NAV3: variants seen among roughly 807,000 people sequenced by gnomAD.
The protein encoded by NAV3 is neuron navigator 3, also known as pore membrane and/or filament interacting like protein 1.
A neutral mutation model predicts 244.7 loss-of-function variants in NAV3; 87 were observed. That is an observed-to-expected ratio of 0.36 (90% CI 0.30 to 0.42). The LOEUF is 0.42. Among genes scored for constraint, NAV3 ranks in the 20% least tolerant of loss-of-function variants. The probability of loss-of-function intolerance (pLI) is 1.00; values close to 1 mark genes in which losing one functional copy is unlikely to be tolerated. For synonymous variants in NAV3, 1,126 were observed against 1,042.2 expected, an observed-to-expected ratio of 1.08 and a Z score of -1.55; for missense variants, 2,663 against 2,893.3, an observed-to-expected ratio of 0.92 and a Z score of 1.83.
chr12:78,036,527 C>T (rs1879912568), intron 9 of NAV3: 1 of 197,290 alleles, frequency 5.1e-6, no homozygotes, highest in African/African-American at 2.3e-5. Context: ...GTGGACCCAT[C>T]CTCCTGCTGA....
intron 9 of NAV3, among the ~76,000 whole-genome samples, chr12:78,043,394 G>A (rs903861446): frequency 2.3e-4 from 35 of 152,068 alleles, no homozygotes; most frequent in Non-Finnish European, 7.4e-5. Flanking sequence ...ATAAACATAC[G>A]TGTGCATGTG....
chr12:78,036,287 A>G (rs1004732822), intron 9 of NAV3: 1 of 152,290 alleles, frequency 6.6e-6, no homozygotes, highest in Non-Finnish European at 1.5e-5. Flanking sequence ...AAAATGTAAG[A>G]GGCTTGTGCA....
intron 1 of NAV3, among the ~76,000 whole-genome samples, chr12:77,906,099 T>C (rs1307738865): frequency 2.0e-5 from 3 of 152,110 alleles, no homozygotes; most frequent in Non-Finnish European, 4.4e-5. Flanking sequence ...AGGCACTGGA[T>C]TGATTAACTC....
chr12:77,830,263 CAG>C (rs954864114), upstream of NAV3, among the ~76,000 whole-genome samples: 41 of 152,266 alleles, frequency 2.7e-4, no homozygotes, highest in African/African-American at 9.4e-4. Flanking sequence ...GCTTGAATAA[CAG>C]TGTTATTTTC....
intron 5 of NAV3, among the ~76,000 whole-genome samples, chr12:77,977,706 A>ACG (rs1431125477): frequency 2.4e-4 from 22 of 90,706 alleles, no homozygotes; most frequent in African/African-American, 6.2e-4. Context: ...ACACACACAC[A>ACG]CACGCGCACA....
At chr12:77,884,896 T>C (rs1003337855) in intron 1 of NAV3, among the ~76,000 whole-genome samples, 2 of 152,142 alleles carry the variant, frequency 1.3e-5, no homozygotes, top group African/African-American at 2.4e-5. Flanking sequence ...AAAAGAAAGA[T>C]TGACAATTCC....
At chr12:78,128,544 G>C (rs536896855) in intron 17 of NAV3, among the ~76,000 whole-genome samples, 162 bp from the exon 18 acceptor site, 2 of 152,138 alleles carry the variant, frequency 1.3e-5, no homozygotes, top group Non-Finnish European at 2.9e-5. Flanking sequence ...GATTCAAACA[G>C]ATGGCGTAAG....
At chr12:78,176,514 G>C in intron 26 of NAV3, 55 bp downstream of exon 26, 1 of 1,569,330 alleles carries the variant, frequency 6.4e-7, no homozygotes, top group Non-Finnish European at 8.8e-7. Context: ...CCCTACCTTG[G>C]CATGAATGCT....
chr12:77,895,738 GTTT>G (rs11437920), intron 1 of NAV3, among the ~76,000 whole-genome samples: 1 of 128,006 alleles, frequency 7.8e-6, no homozygotes. Context: ...GTACCCTCTT[GTTT>G]TTTTTTTTTT....
At chr12:77,776,494 A>G (rs1340653793) in intron 2 of NAV3, among the ~76,000 whole-genome samples, 3 of 152,200 alleles carry the variant, frequency 2.0e-5, no homozygotes, top group African/African-American at 7.2e-5. Flanking sequence ...ATTCAATTTT[A>G]GGTAACAAAT....
At chr12:77,727,108 A>G (rs1433864700) in intron 2 of NAV3, among the ~76,000 whole-genome samples, 2 of 151,866 alleles carry the variant, frequency 1.3e-5, no homozygotes, top group African/African-American at 2.4e-5. Flanking sequence ...AGATTTGTCG[A>G]TAGAGATGGT....
chr12:78,081,942 T>G (rs902585832), intron 12 of NAV3, among the ~76,000 whole-genome samples: 2 of 152,220 alleles, frequency 1.3e-5, no homozygotes, highest in Non-Finnish European at 2.9e-5. Context: ...CTGGCTAATA[T>G]GGTTTAGCTG....
rs1274798370 is a variant in NAV3 at position 78,128,813 on chromosome 12, C to G, written c.4388C>G (p.Ser1463Cys). The change falls in exon 18 of 40, where the codon TCC (serine) becomes TGC (cysteine). Residue 1463 changes from serine to cysteine, a missense_variant. By Grantham distance (112) the Ser-to-Cys change is moderately radical. This residue lies in a region of NAV3 where 354 missense variants were observed against 413.0 expected (regional missense o/e 0.86). Transcript: ENST00000397909. The stretch of plus-strand genomic sequence containing the variant: ...ACTGGCAACCAGTCACCTCTGGTTT[C>G]CCCTTCTGCCATGTCATCTTCTGCA... ...QDTGNQSPLV[S>C]PSAMSSSAAG... The G allele has an allele frequency of 6.2e-7, 1 of 1,613,948 alleles. No individual in the cohort carries two copies. The highest frequency in any genetic ancestry group is 8.5e-7 in the Non-Finnish European group (1 of 1,179,990).
At chr12:78,064,336 T>A (rs2137500786) in intron 12 of NAV3, among the ~76,000 whole-genome samples, 1 of 152,094 alleles carries the variant, frequency 6.6e-6, no homozygotes, top group East Asian at 1.9e-4. Context: ...AGAGAGTGGG[T>A]TTCATGCTGT....
intron 2 of NAV3, among the ~76,000 whole-genome samples, chr12:77,644,580 C>T (rs899046017): frequency 5.3e-5 from 8 of 151,880 alleles, no homozygotes; most frequent in Non-Finnish European, 8.8e-5. Context: ...TGACTTTTGA[C>T]GATAAAGCTC....
chr12:77,926,196 G>A (rs1052667681), intron 1 of NAV3, among the ~76,000 whole-genome samples: 8 of 152,042 alleles, frequency 5.3e-5, no homozygotes, highest in African/African-American at 1.2e-4. Flanking sequence ...CTAAGTGAAC[G>A]TAAACAATCC....
rs2137411261 is a variant in NAV3 at position 78,059,128 on chromosome 12, G to A, written c.2636+13G>A. 6.2e-7 allele frequency: 1 copy of A among 1,606,412 alleles called. No homozygotes were observed. The highest frequency in any genetic ancestry group is 8.5e-7 in the Non-Finnish European group (1 of 1,176,788). ...TGGATGCAGACAGGTAATGCTATCA[G>A]CATATATGATGGTGAGACATGCATG... On this transcript the variant is annotated intron_variant, in intron 12 of 39. Transcript: ENST00000397909.
chr12:77,915,549 G>A (rs1020422078), intron 1 of NAV3, among the ~76,000 whole-genome samples: 1 of 151,460 alleles, frequency 6.6e-6, no homozygotes, highest in Non-Finnish European at 1.5e-5. Flanking sequence ...CTTCTAGCCA[G>A]AATCAAGTAA....
chr12:77,731,051 CA>C (rs1877107917), intron 2 of NAV3, among the ~76,000 whole-genome samples: 1 of 151,888 alleles, frequency 6.6e-6, no homozygotes, highest in African/African-American at 2.4e-5. Context: ...CACACGGTTT[CA>C]AAATTCTTCC....
Sources: allele counts gnomAD v4.1 joint callset (sites outside exome capture counted in the v4.1 genomes callset), GRCh38; gene constraint gnomAD v4.1.1; regional missense constraint gnomAD v4.1.1; transcripts MANE v1.5; gene names NCBI Gene and HGNC (gene_info 2026-07-23, HGNC 2026-07-21).